KPNA3: variants seen among roughly 807,000 people sequenced by gnomAD.
KPNA3 encodes importin subunit alpha-4.
A neutral mutation model predicts 73.8 loss-of-function variants in KPNA3; 13 were observed. That is an observed-to-expected ratio of 0.18 (90% CI 0.11 to 0.28). The LOEUF is 0.28. Among genes scored for constraint, KPNA3 ranks in the 10% least tolerant of loss-of-function variants. The pLI is 1.00. For synonymous variants in KPNA3, 186 were observed against 206.9 expected (o/e 0.90, Z 0.87); for missense variants, 360 against 618.1 (o/e 0.58, Z 4.43).
At chr13:49,745,919 C>T (rs1237352756) in intron 2 of KPNA3, among the ~76,000 whole-genome samples, 7 of 151,134 alleles carry the variant, frequency 4.6e-5, no homozygotes, top group African/African-American at 7.3e-5. Flanking sequence ...AAAAATTAGC[C>T]GGACGAGGTG....
chr13:49,717,914 A>G (rs775120702), intron 10 of KPNA3, among the ~76,000 whole-genome samples: 5 of 152,174 alleles, frequency 3.3e-5, no homozygotes, highest in Non-Finnish European at 5.9e-5. Context: ...ATAATAAAGC[A>G]CTTTGGTCAC....
In KPNA3 at chr13:49,777,970, CT is replaced by C. The variant is rs1451163488; in HGVS notation, c.69+14467del. On this transcript the variant is annotated intron_variant, in intron 1 of 16. Coordinates refer to ENST00000261667, the MANE Select transcript of KPNA3 (RefSeq NM_002267.4). Reference sequence around the variant, plus strand: ...ATAACCCACATTAACCCACATCAACCTGCTTAGCCCACATAATCCACATTAA... The same window carrying C: ...ATAACCCACATTAACCCACATCAACCGCTTAGCCCACATAATCCACATTAA... Among the ~76,000 whole-genome samples, 34 of 152,164 alleles carry C rather than the reference CT, an allele frequency of 2.2e-4. 1 individual carries two copies. Among genetic ancestry groups the C allele is most frequent in the Admixed American group, 2.2e-3 (34 of 15,270 alleles).
intron 1 of KPNA3, among the ~76,000 whole-genome samples, chr13:49,771,010 A>C (rs565966492): frequency 6.6e-6 from 1 of 151,962 alleles, no homozygotes; most frequent in South Asian, 2.1e-4. Context: ...GAAATTGCTA[A>C]ATATAAATAT....
Position 49,701,760 on chromosome 13 carries a change from T to G in KPNA3, c.*40A>C, listed in dbSNP as rs1258574420. 3 of 1,217,164 alleles carry G rather than the reference T, an allele frequency of 2.5e-6. No individual in the cohort carries two copies. The East Asian group carries it at 7.0e-5, about 28-fold the overall frequency. 75.4% of individuals were successfully genotyped at this position (1,217,164 alleles called of 1,614,324 possible). ...TCATTTGGTAGCCATCTGGTGGTGC[T>G]TCATATTGAATGTGGGAAAGATGCT... On this transcript the variant is annotated 3_prime_UTR_variant, in exon 17 of 17. Transcript: ENST00000261667.
At position 49,733,007 on chromosome 13, in the gene KPNA3, G is replaced by C; in HGVS notation, c.154C>G (p.Pro52Ala). 6.2e-7 allele frequency: 1 copy of C among 1,611,366 alleles called. No individual in the cohort carries two copies. The highest frequency in any genetic ancestry group is 8.5e-7 in the Non-Finnish European group (1 of 1,178,074). ...GAATCTTCTAGACTTTCTTCTTGGG[G>C]AACATTTCTCTTTTTCAATAAGTGT... ...DEHLLKKRNV[P>A]QEESLEDSDV... Residue 52 changes from proline (P) to alanine (A), a missense_variant, in exon 3 of 17, where the codon CCC becomes GCC. This residue lies in a region of KPNA3 where 287 missense variants were observed against 549.1 expected (regional missense o/e 0.52). Coordinates refer to ENST00000261667, the MANE Select transcript of KPNA3 (RefSeq NM_002267.4).
intron 6 of KPNA3, among the ~76,000 whole-genome samples, chr13:49,728,286 G>T (rs1369849111): frequency 6.6e-6 from 1 of 151,754 alleles, no homozygotes; most frequent in Non-Finnish European, 1.5e-5. Context: ...ATCCACAGCG[G>T]CAAACAATCA....
Position 49,722,684 on chromosome 13 carries a change from CA to C in KPNA3, c.470-122del, listed in dbSNP as rs1287857573. The C allele has an allele frequency of 1.5e-4, 90 of 594,532 alleles. No individual in the cohort carries two copies. The African/African-American group carries it at 1.6e-3, about 11-fold the overall frequency. 36.8% of individuals were successfully genotyped at this position (594,532 alleles called of 1,614,324 possible). ...ATTGTAGCTGGAAGAACAAATGTGGCAAATATCTTTACCCTAAAAAGAATCA... is the reference window on the plus strand; with the variant it reads ...ATTGTAGCTGGAAGAACAAATGTGGCAATATCTTTACCCTAAAAAGAATCA... On this transcript the variant is annotated intron_variant, in intron 7 of 16. Coordinates refer to ENST00000261667, the MANE Select transcript of KPNA3 (RefSeq NM_002267.4).
At chr13:49,727,517 G>A (rs143894578) in intron 6 of KPNA3, among the ~76,000 whole-genome samples, 235 of 151,804 alleles carry the variant, frequency 1.5e-3, no homozygotes, top group African/African-American at 5.2e-3. Flanking sequence ...AGGTTTTAAG[G>A]AGAATAGATG....
At chr13:49,717,533 T>C (rs891995306) in intron 10 of KPNA3, among the ~76,000 whole-genome samples, 1 of 151,970 alleles carries the variant, frequency 6.6e-6, no homozygotes, top group Non-Finnish European at 1.5e-5. Flanking sequence ...TAAACCTCCA[T>C]GTATTCTTGA....
In KPNA3 at chr13:49,792,473, T is replaced by C; in HGVS notation, c.34A>G (p.Ile12Val). 2.5e-6 allele frequency: 4 copies of C among 1,583,038 alleles called. No individual in the cohort carries two copies. The highest frequency in any genetic ancestry group is 3.4e-6 in the Non-Finnish European group (4 of 1,166,348). Residue 12 changes from isoleucine (I) to valine (V), a missense_variant, in exon 1 of 17, where the codon ATC becomes GTC. Ile to Val is a conservative substitution (Grantham distance 29). This residue lies in a region of KPNA3 where 35 missense variants were observed against 30.0 expected (regional missense o/e 1.17). Transcript: ENST00000261667. ...AENPSLENHRIKSFKNKGRDV... is the reference protein window; with the variant it reads ...AENPSLENHRVKSFKNKGRDV... Reference sequence around the variant, plus strand: ...CGGCCCTTGTTCTTGAAGCTCTTGATGCGGTGGTTCTCCAAGCTGGGGTTC... The same window carrying C: ...CGGCCCTTGTTCTTGAAGCTCTTGACGCGGTGGTTCTCCAAGCTGGGGTTC...
chr13:49,709,398 CAAA>C (rs386379154), intron 12 of KPNA3, among the ~76,000 whole-genome samples, 171 bp downstream of exon 12: 6 of 97,610 alleles, frequency 6.1e-5, no homozygotes, highest in Admixed American at 1.1e-4. Flanking sequence ...GACTCTGTCT[CAAA>C]AAAAAAAAAA....
At chr13:49,788,871 CCCTT>C (rs1955008135) in intron 1 of KPNA3, among the ~76,000 whole-genome samples, 1 of 152,090 alleles carries the variant, frequency 6.6e-6, no homozygotes, top group Non-Finnish European at 1.5e-5. Flanking sequence ...ATTACTCCCT[CCCTT>C]CCTCCATTTA....
rs1366239528 is a variant in KPNA3 at position 49,700,569 on chromosome 13, T to C, written c.*1231A>G. On this transcript the variant is annotated 3_prime_UTR_variant, in exon 17 of 17. Coordinates refer to ENST00000261667, the MANE Select transcript of KPNA3 (RefSeq NM_002267.4). ...GTTAAATAACTGCAAATTACTCCTC[T>C]ACACAGATCCCTGTCTGAATCTTTT... 6.5e-6 allele frequency: 1 copy of C among 152,684 alleles called. No homozygotes were observed. The highest frequency in any genetic ancestry group is 1.5e-5 in the Non-Finnish European group (1 of 68,032). 9.5% of individuals were successfully genotyped at this position (152,684 alleles called of 1,614,324 possible).
intron 1 of KPNA3, among the ~76,000 whole-genome samples, chr13:49,774,598 A>G (rs1247568354): frequency 6.6e-6 from 1 of 152,206 alleles, no homozygotes; most frequent in Admixed American, 6.5e-5. Flanking sequence ...TCTCTCAGAA[A>G]TAGGTCCAAT....
chr13:49,719,981 A>C (rs755323084), intron 9 of KPNA3, among the ~76,000 whole-genome samples, 162 bp from the exon 10 acceptor site: 3 of 152,232 alleles, frequency 2.0e-5, no homozygotes, highest in Non-Finnish European at 4.4e-5. Flanking sequence ...TGATAAATTC[A>C]ATCTAAAAAA....
At chr13:49,761,567 G>A (rs942688428) in intron 1 of KPNA3, among the ~76,000 whole-genome samples, 1 of 152,258 alleles carries the variant, frequency 6.6e-6, no homozygotes, top group African/African-American at 2.4e-5. Flanking sequence ...CTGGAGTGCA[G>A]TGGCATGATC....
intron 1 of KPNA3, among the ~76,000 whole-genome samples, chr13:49,755,990 G>A (rs189997651): frequency 7.2e-5 from 11 of 151,998 alleles, no homozygotes; most frequent in Admixed American, 2.0e-4. Context: ...AACAACAGCC[G>A]GGTGTGGTGG....
At chr13:49,734,586 G>A (rs948340276) in intron 2 of KPNA3, among the ~76,000 whole-genome samples, 2 of 152,144 alleles carry the variant, frequency 1.3e-5, no homozygotes, top group Admixed American at 6.6e-5. Flanking sequence ...GGACTACCTC[G>A]AGATCTAATA....
intron 1 of KPNA3, among the ~76,000 whole-genome samples, chr13:49,757,856 A>G (rs1923730): frequency 0.24 from 36,366 of 152,142 alleles, 5,190 homozygotes; most frequent in Non-Finnish European, 0.32. Context: ...GCTGATACAA[A>G]CAATGACTTG....
Sources: gnomAD v4.1 joint callset for allele counts (sites outside exome capture counted in the v4.1 genomes callset) on GRCh38, gnomAD v4.1.1 for gene constraint, gnomAD v4.1.1 regional missense constraint, MANE v1.5 for transcripts, NCBI Gene and HGNC (gene_info 2026-07-23, HGNC 2026-07-21) for gene names.